Variants in WNT2 observed in about 807,000 individuals in gnomAD.
WNT2 encodes the protein protein Wnt-2.
A neutral mutation model predicts 36.9 loss-of-function variants in WNT2; 12 were observed. The observed-to-expected ratio is 0.33, with a 90% CI of 0.21 to 0.53. The LOEUF (loss-of-function observed/expected upper bound fraction) is 0.53. Ranked by LOEUF, WNT2 falls within the 20% of genes least tolerant of loss-of-function variation. The pLI, the probability that WNT2 is intolerant of heterozygous loss-of-function variation, is 0.95. For missense variants in WNT2, 379 were observed against 473.1 expected (o/e 0.80, Z 1.84); for synonymous variants, 163 against 174.6 (o/e 0.93, Z 0.52).
rs1444039441 is a variant in WNT2, at chr7:117,276,722, C to T, written c.*1433G>A. On this transcript the variant is annotated 3_prime_UTR_variant, in exon 5 of 5. Transcript: ENST00000265441. ...ATAAGAACCAAATTTTTCAAGAAGA[C>T]GAGAAGTAGCTATTTCACCTTTCTT... The T allele has an allele frequency of 3.3e-5, 5 of 152,142 alleles. No homozygotes were observed. Among genetic ancestry groups the T allele is most frequent in the African/African-American group, 9.7e-5 (4 of 41,426 alleles). 9.4% of individuals were successfully genotyped at this position (152,142 alleles called of 1,614,324 possible). A position where few individuals can be genotyped will look rare whatever the true frequency, so the allele number is the denominator to read the frequency against.
In WNT2 at chr7:117,320,608, A is replaced by C. The variant is rs1191575978; in HGVS notation, c.269T>G (p.Leu90Arg). The C allele has an allele frequency of 6.2e-7, 1 of 1,613,902 alleles. No individual in the cohort carries two copies. Among genetic ancestry groups the C allele is most frequent in the African/African-American group, 1.3e-5 (1 of 74,954 alleles). The change falls in exon 2 of 5, where the codon CTG becomes CGG. Residue 90 changes from leucine to arginine, a missense_variant. Physicochemically the swap from Leu to Arg is moderately radical, Grantham distance 102. Coordinates refer to ENST00000265441, the MANE Select transcript of WNT2 (RefSeq NM_003391.3). ...GCCAAAAAGGCTGTGATCCCTGTCCAGGGTGTTGCAATTCCAGCGGTGCTG... is the reference window on the plus strand; with the variant it reads ...GCCAAAAAGGCTGTGATCCCTGTCCCGGGTGTTGCAATTCCAGCGGTGCTG... ...FRQHRWNCNTLDRDHSLFGRV... is the reference protein window; with the variant it reads ...FRQHRWNCNTRDRDHSLFGRV...
intron 4 of WNT2, among the ~76,000 whole-genome samples, chr7:117,280,765 A>C (rs1794467578): frequency 3.3e-5 from 5 of 152,252 alleles, no homozygotes; most frequent in Admixed American, 3.3e-4. Flanking sequence ...TTTGGTGAGA[A>C]CATAATGAGA....
At chr7:117,290,804 G>A (rs1794676406) in intron 4 of WNT2, among the ~76,000 whole-genome samples, 1 of 152,190 alleles carries the variant, frequency 6.6e-6, no homozygotes, top group Non-Finnish European at 1.5e-5. Context: ...GACTGAGTCT[G>A]TTTTCCTCAA....
At chr7:117,304,658 A>G (rs1794981128) in intron 3 of WNT2, among the ~76,000 whole-genome samples, 1 of 150,526 alleles carries the variant, frequency 6.6e-6, no homozygotes, top group Admixed American at 6.6e-5. Flanking sequence ...CTGATCTTGA[A>G]CTCCTGACCT....
At chr7:117,283,929 G>A (rs1422705565) in intron 4 of WNT2, among the ~76,000 whole-genome samples, 4 of 152,194 alleles carry the variant, frequency 2.6e-5, no homozygotes, top group Non-Finnish European at 5.9e-5. Context: ...ACAGCAGTGA[G>A]GTCGCAGCCT....
intron 3 of WNT2, among the ~76,000 whole-genome samples, chr7:117,299,131 A>G (rs1563202189): frequency 6.6e-6 from 1 of 152,190 alleles, no homozygotes; most frequent in Non-Finnish European, 1.5e-5. Context: ...TTAGAATGAA[A>G]TTCCTCTTCG....
In WNT2 at chr7:117,277,982, A is replaced by T. The variant is rs992014808; in HGVS notation, c.*173T>A. 63 of 645,888 alleles carry T rather than the reference A, an allele frequency of 9.8e-5. No homozygotes were observed. Among genetic ancestry groups the T allele is most frequent in the Non-Finnish European group, 1.7e-4 (62 of 372,646 alleles). 40.0% of individuals were successfully genotyped at this position (645,888 alleles called of 1,614,324 possible). ...ATAGAATAGGGTAGGCTTTAGGTGC[A>T]GCGTGTGGCCCCCCCATCCTGGGGC... On this transcript the variant is annotated 3_prime_UTR_variant, in exon 5 of 5. Transcript: ENST00000265441.
intron 4 of WNT2, among the ~76,000 whole-genome samples, chr7:117,296,760 T>C (rs1366482462): frequency 6.6e-6 from 1 of 152,124 alleles, no homozygotes; most frequent in Non-Finnish European, 1.5e-5. Context: ...GACAGAGCTG[T>C]TCTTTGAGGG....
chr7:117,290,344 G>A (rs772495087), intron 4 of WNT2, among the ~76,000 whole-genome samples: 1 of 152,180 alleles, frequency 6.6e-6, no homozygotes, highest in Non-Finnish European at 1.5e-5. Flanking sequence ...TAGTTATAAA[G>A]TCAAGGAAAT....
Position 117,276,432 on chromosome 7 carries a change from G to C in WNT2, c.*1723C>G, listed in dbSNP as rs1794379017. On this transcript the variant is annotated 3_prime_UTR_variant, in exon 5 of 5. Coordinates refer to ENST00000265441, the MANE Select transcript of WNT2 (RefSeq NM_003391.3). The stretch of plus-strand genomic sequence containing the variant: ...ACTGTTCCCACCATCCGAATCCATA[G>C]AATAAAAGGAGGAAAGAGTCACTTT... Among the ~76,000 whole-genome samples the C allele has an allele frequency of 6.6e-6, 1 of 152,198 alleles. No individual in the cohort carries two copies. The highest frequency in any genetic ancestry group is 2.1e-4 in the South Asian group (1 of 4,830).
chr7:117,292,482 A>C (rs957600466), intron 4 of WNT2, among the ~76,000 whole-genome samples: 2 of 152,148 alleles, frequency 1.3e-5, no homozygotes, highest in Non-Finnish European at 2.9e-5. Context: ...ATATGTACAT[A>C]AGGTGTGTAG....
intron 4 of WNT2, among the ~76,000 whole-genome samples, chr7:117,280,319 TG>T (rs1409799253): frequency 1.3e-5 from 2 of 152,170 alleles, no homozygotes; most frequent in Non-Finnish European, 2.9e-5. Context: ...CACTGCCAAA[TG>T]CTGCCTCTTC....
At chr7:117,287,291 G>T (rs919678606) in intron 4 of WNT2, among the ~76,000 whole-genome samples, 1 of 152,208 alleles carries the variant, frequency 6.6e-6, no homozygotes, top group Admixed American at 6.5e-5. Flanking sequence ...GTTGCAGTGA[G>T]CCAAGGTCGT....
In WNT2 at chr7:117,297,629, A is replaced by T. The variant is rs759201126; in HGVS notation, c.836T>A (p.Ile279Asn). ...VYFENSPDYC[I>N]RDREAGSLGT... The stretch of plus-strand genomic sequence containing the variant: ...GAACTTACCTGCCTCTCGGTCCCTG[A>T]TACAGTAGTCTGGAGAATTCTCAAA... The change falls in exon 4 of 5, where the codon ATC (isoleucine) becomes AAC (asparagine). Residue 279 changes from isoleucine to asparagine, a missense_variant. Physicochemically the swap from Ile to Asn is moderately radical, Grantham distance 149 (BLOSUM62 -3). Coordinates refer to ENST00000265441, the MANE Select transcript of WNT2 (RefSeq NM_003391.3). 1.1e-5 allele frequency: 18 copies of T among 1,612,672 alleles called. No homozygotes were observed. The South Asian group carries it at 2.0e-4, about 18-fold the overall frequency.
rs1193487692 is a variant in WNT2, at chr7:117,275,784, TTC to T, written c.*2369_*2370del. ...AGTAAAAGCCGATAGCAATATTTCA[TTC>T]TCTTATTTTTCCCACCTCAGTGGCA... On this transcript the variant is annotated 3_prime_UTR_variant, in exon 5 of 5. Coordinates refer to ENST00000265441, the MANE Select transcript of WNT2 (RefSeq NM_003391.3). Among the ~76,000 whole-genome samples the T allele has an allele frequency of 1.2e-4, 19 of 152,244 alleles. No homozygotes were observed. The highest frequency in any genetic ancestry group is 4.6e-4 in the African/African-American group (19 of 41,458).
intron 4 of WNT2, among the ~76,000 whole-genome samples, chr7:117,287,445 T>C (rs1236417759): frequency 4.6e-5 from 7 of 152,210 alleles, no homozygotes; most frequent in Admixed American, 4.6e-4. Flanking sequence ...TCAGGCCTAC[T>C]TCAGCATTTT....
intron 3 of WNT2, among the ~76,000 whole-genome samples, chr7:117,311,024 A>G (rs1200939761): frequency 6.6e-6 from 1 of 152,178 alleles, no homozygotes; most frequent in East Asian, 1.9e-4. Context: ...GCCTTTCCCA[A>G]AGTAATTCCT....
intron 3 of WNT2, among the ~76,000 whole-genome samples, chr7:117,304,514 G>A (rs1794978305): frequency 1.4e-5 from 2 of 146,388 alleles, no homozygotes; most frequent in African/African-American, 5.1e-5. Flanking sequence ...TCTGCTCACT[G>A]CAACTCCGCC....
chr7:117,319,739 T>A (rs1404553652), intron 2 of WNT2, among the ~76,000 whole-genome samples: 1 of 152,228 alleles, frequency 6.6e-6, no homozygotes, highest in African/African-American at 2.4e-5. Context: ...TGAGCTACTT[T>A]CCATATTCAG....
Sources: gnomAD v4.1 joint callset for allele counts (sites outside exome capture counted in the v4.1 genomes callset) on GRCh38, gnomAD v4.1.1 for gene constraint, MANE v1.5 for transcripts, NCBI Gene and HGNC (gene_info 2026-07-23, HGNC 2026-07-21) for gene names.